The following ABCB7 variants were observed in gnomAD, a reference collection of about 807,000 sequenced individuals.
ABCB7 encodes iron-sulfur clusters transporter ABCB7, mitochondrial.
A neutral mutation model predicts 54.4 loss-of-function variants in ABCB7; 7 were observed. That is an observed-to-expected ratio of 0.13 (90% CI 0.07 to 0.24). ABCB7 has a LOEUF of 0.24. Ranked by LOEUF, ABCB7 falls within the 10% of genes least tolerant of loss-of-function variation. The pLI, the probability that ABCB7 is intolerant of heterozygous loss-of-function variation, is 1.00. For missense variants in ABCB7, 356 were observed against 570.4 expected, an observed-to-expected ratio of 0.62 and a Z score of 3.83; for synonymous variants, 218 against 207.1, an observed-to-expected ratio of 1.05 and a Z score of -0.45.
chrX:75,099,194 G>A (rs2081618246), intron 3 of ABCB7, 133 bp from the exon 4 acceptor site: 2 of 701,340 alleles, frequency 2.9e-6, no homozygotes, highest in Admixed American at 4.2e-5. Flanking sequence ...CTGAATCTAA[G>A]GCTAATATCT....
chrX:75,153,543 A>G (rs972558959), intron 1 of ABCB7, among the ~76,000 whole-genome samples: 8 of 108,917 alleles, frequency 7.3e-5, no homozygotes, highest in Non-Finnish European at 1.3e-4. Context: ...GTGGAAGAGT[A>G]GGAAGGTGGA....
intron 1 of ABCB7, among the ~76,000 whole-genome samples, chrX:75,124,567 C>T (rs192154391): frequency 3.0e-3 from 335 of 111,907 alleles, no homozygotes; most frequent in Non-Finnish European, 5.2e-3. Context: ...CAATTAAAAC[C>T]AATGGCTGAA....
intron 14 of ABCB7, among the ~76,000 whole-genome samples, chrX:75,060,550 C>A (rs6647618): frequency 9.1e-6 from 1 of 110,394 alleles, no homozygotes; most frequent in African/African-American, 3.3e-5. Flanking sequence ...ATCACATTAT[C>A]GTGGAAAAAA....
intron 1 of ABCB7, among the ~76,000 whole-genome samples, chrX:75,119,095 G>A (rs752909772): frequency 2.7e-5 from 3 of 112,016 alleles, no homozygotes; most frequent in Admixed American, 1.9e-4. Context: ...AATAACAAAA[G>A]TTTAGATCAA....
chrX:75,074,562 A>T (rs888076430), intron 6 of ABCB7, among the ~76,000 whole-genome samples: 5 of 112,195 alleles, frequency 4.5e-5, no homozygotes, highest in South Asian at 3.7e-4. Flanking sequence ...GCGTATGTTC[A>T]TTGCAGCACT....
At chrX:75,138,143 G>A (rs1169511120) in intron 1 of ABCB7, among the ~76,000 whole-genome samples, 1 of 110,328 alleles carries the variant, frequency 9.1e-6, no homozygotes, top group African/African-American at 3.3e-5. Context: ...ACATCACTTC[G>A]CATCCACCAG....
chrX:75,096,655 T>C (rs1350235174), intron 4 of ABCB7, among the ~76,000 whole-genome samples: 1 of 111,549 alleles, frequency 9.0e-6, no homozygotes, highest in East Asian at 2.8e-4. Context: ...AATATCTCTA[T>C]CTGGGTGTTC....
chrX:75,058,224 T>C (rs953943420), intron 15 of ABCB7, among the ~76,000 whole-genome samples: 10 of 111,584 alleles, frequency 9.0e-5, no homozygotes, highest in Non-Finnish European at 1.3e-4. Context: ...TTTTTTTAAA[T>C]TGATGTCTCT....
intron 2 of ABCB7, 131 bp from the exon 3 acceptor site, chrX:75,113,103 T>C (rs758754784): frequency 1.5e-5 from 8 of 526,224 alleles, no homozygotes; most frequent in African/African-American, 2.3e-5. Context: ...TAGTCTGGCA[T>C]AGTAAAGCAA....
chrX:75,075,635 C>T lies in ABCB7; in HGVS notation c.587-5G>A. 1 of 1,200,718 alleles carries T rather than the reference C, an allele frequency of 8.3e-7. No individual in the cohort carries two copies. On this transcript the variant is annotated splice_polypyrimidine_tract_variant and splice_region_variant and intron_variant, in intron 5 of 15. Coordinates refer to ENST00000373394, the MANE Select transcript of ABCB7 (RefSeq NM_001271696.3). ...CTCCAGCTCTTGATACACCATCTAA[C>T]AATACATTCAAAAGAAAAAATAGGA...
At chrX:75,134,948 C>T (rs2147558947) in intron 1 of ABCB7, among the ~76,000 whole-genome samples, 1 of 110,666 alleles carries the variant, frequency 9.0e-6, no homozygotes, top group South Asian at 3.8e-4. Context: ...AACATCAATG[C>T]TAGCAGAAGA....
intron 4 of ABCB7, among the ~76,000 whole-genome samples, chrX:75,078,468 C>G (rs182100506): frequency 3.6e-4 from 40 of 111,301 alleles, no homozygotes; most frequent in Middle Eastern, 9.2e-3. Flanking sequence ...ATGGATATAT[C>G]GCATACTGGT....
rs773558613 is a variant in ABCB7 at position 75,052,823 on chromosome X, A to AAAAG, written c.*546_*547insCTTT. On this transcript the variant is annotated 3_prime_UTR_variant, in exon 16 of 16. Coordinates refer to ENST00000373394, the MANE Select transcript of ABCB7 (RefSeq NM_001271696.3). ...AACAAAAAACAACAAAACAAAAAAG[A>AAAAG]AAAAAGTAAGTAACCTATCAAGTAA... 1.8e-5 allele frequency: 2 copies of AAAAG among 111,414 alleles called. No homozygotes were observed. Among genetic ancestry groups the AAAAG allele is most frequent in the African/African-American group, 6.6e-5 (2 of 30,501 alleles). The allele number at this position is 111,414 out of a possible 1,213,427, so 9.2% of individuals were successfully genotyped here. A position where few individuals can be genotyped will look rare whatever the true frequency, so the allele number is the denominator to read the frequency against.
intron 1 of ABCB7, among the ~76,000 whole-genome samples, chrX:75,151,016 G>A (rs2082128312): frequency 9.0e-6 from 1 of 111,109 alleles, no homozygotes; most frequent in South Asian, 3.9e-4. Flanking sequence ...CTGACTGGAA[G>A]AGGGGATAGG....
intron 4 of ABCB7, among the ~76,000 whole-genome samples, chrX:75,091,744 G>A (rs2081545613): frequency 9.1e-6 from 1 of 109,865 alleles, no homozygotes; most frequent in Admixed American, 9.7e-5. Context: ...CAGCATACAA[G>A]GTCATATACA....
intron 4 of ABCB7, among the ~76,000 whole-genome samples, chrX:75,081,132 A>G (rs1183254855): frequency 1.8e-5 from 2 of 111,934 alleles, no homozygotes; most frequent in Admixed American, 9.5e-5. Context: ...AGAGTCTAAT[A>G]ATACTCTACA....
At position 75,156,091 on chromosome X, in the gene ABCB7, C is replaced by A. The variant is rs771294443; in HGVS notation, c.168+14G>T. 5.2e-5 allele frequency: 63 copies of A among 1,208,160 alleles called. No homozygotes were observed. In the Middle Eastern group the frequency reaches 1.4e-3, roughly 26 times the overall value. ...TGCCCTTCACCCTATTCTTCCATGT[C>A]AGTGGCATCTCACCTGGTAGGCTCG... On this transcript the variant is annotated intron_variant, in intron 1 of 15. Coordinates refer to ENST00000373394, the MANE Select transcript of ABCB7 (RefSeq NM_001271696.3).
rs113812149 is a variant in ABCB7 at position 75,065,017 on chromosome X, T to TA, written c.1831+52dup. Reference sequence around the variant, plus strand: ...TTTCTAAAAAATGGCTCTGACAAATTAGAGTTTGAAAGAAGTATACAAGAA... The same window carrying TA: ...TTTCTAAAAAATGGCTCTGACAAATTAAGAGTTTGAAAGAAGTATACAAGAA... On this transcript the variant is annotated intron_variant, in intron 13 of 15. Transcript: ENST00000373394. The TA allele has an allele frequency of 8.0e-4, 949 of 1,182,226 alleles. 1 individual carries two copies. The African/African-American group carries it at 0.013, about 16-fold the overall frequency.
chrX:75,130,631 G>A (rs1410358887), intron 1 of ABCB7, among the ~76,000 whole-genome samples: 1 of 111,668 alleles, frequency 9.0e-6, no homozygotes, highest in Non-Finnish European at 1.9e-5. Flanking sequence ...GTACCTATCA[G>A]AACACTCTTG....
Sources: allele counts gnomAD v4.1 joint callset (sites outside exome capture counted in the v4.1 genomes callset), GRCh38; gene constraint gnomAD v4.1.1; transcripts MANE v1.5; gene names NCBI Gene and HGNC (gene_info 2026-07-23, HGNC 2026-07-21).